ZNF208: variants seen among roughly 807,000 people sequenced by gnomAD.
ZNF208 encodes the protein zinc finger protein 208.
In ZNF208, 10 loss-of-function variants were observed where a neutral mutation model predicts 12.1. The ratio of observed to expected loss-of-function variants is 0.83; its 90% CI spans 0.51 to 1.40. The LOEUF (loss-of-function observed/expected upper bound fraction) is 1.40, where lower values mean the gene tolerates loss of function less well. Among genes scored for constraint, ZNF208 ranks in the 40% most tolerant of loss-of-function variants. The pLI is 0.00. For synonymous variants in ZNF208, 497 were observed against 488.4 expected, an observed-to-expected ratio of 1.02 and a Z score of -0.23; for missense variants, 1,652 against 1,485.0, an observed-to-expected ratio of 1.11 and a Z score of -1.85.
chr19:21,947,574 G>T lies in ZNF208; in HGVS notation c.306-14337C>A, dbSNP rs142128013. ...TTTACATCCCTTTATCACTGATAAG[G>T]CCTCATGCCCTATTTCTAAACAGAA... On this transcript the variant is annotated intron_variant, in intron 4 of 4. Coordinates refer to the ZNF208 transcript ENST00000599916. Among the ~76,000 whole-genome samples, 379 of 152,212 alleles carry T rather than the reference G, an allele frequency of 2.5e-3. 3 individuals are homozygous for T. Among genetic ancestry groups the T allele is most frequent in the African/African-American group, 8.3e-3 (345 of 41,534 alleles).
At chr19:21,974,971 T>C (rs542611753) in intron 3 of ZNF208, among the ~76,000 whole-genome samples, 164 bp from the exon 4 acceptor site, 93 of 152,218 alleles carry the variant, frequency 6.1e-4, no homozygotes, top group African/African-American at 2.1e-3. Flanking sequence ...TAAAAACATA[T>C]AGACCGAAAT....
At chr19:22,006,384 C>T (rs1045365263) in intron 1 of ZNF208, among the ~76,000 whole-genome samples, 1 of 151,526 alleles carries the variant, frequency 6.6e-6, no homozygotes, top group South Asian at 2.1e-4. Flanking sequence ...TTTTAATGTA[C>T]GTCTAACTGG....
intron 4 of ZNF208, among the ~76,000 whole-genome samples, chr19:21,957,983 C>A (rs1278746160): frequency 2.0e-5 from 3 of 152,022 alleles, no homozygotes; most frequent in Non-Finnish European, 2.9e-5. Flanking sequence ...TATTCCTCCC[C>A]CTTCCCACCA....
intron 4 of ZNF208, among the ~76,000 whole-genome samples, chr19:21,944,662 ATG>A (rs1969789595): frequency 6.6e-6 from 1 of 152,194 alleles, no homozygotes; most frequent in Non-Finnish European, 1.5e-5. Context: ...AGCTCCAATG[ATG>A]TAAAGTATTG....
chr19:21,977,999 A>G (rs1160684860), intron 3 of ZNF208, among the ~76,000 whole-genome samples: 1 of 152,208 alleles, frequency 6.6e-6, no homozygotes, highest in Non-Finnish European at 1.5e-5. Context: ...ATCGCAGCTC[A>G]GCAAGACCAG....
chr19:21,977,187 C>T (rs1970446936), intron 3 of ZNF208, among the ~76,000 whole-genome samples: 1 of 152,150 alleles, frequency 6.6e-6, no homozygotes, highest in African/African-American at 2.4e-5. Context: ...AAAGCAAATA[C>T]TGACAGAATA....
At chr19:21,945,219 T>C (rs557754616) in intron 4 of ZNF208, among the ~76,000 whole-genome samples, 125 of 152,320 alleles carry the variant, frequency 8.2e-4, no homozygotes, top group Middle Eastern at 3.4e-3. Context: ...AAAAAGTCCC[T>C]AGTTCCAGTC....
intron 4 of ZNF208, chr19:21,940,247 G>GAATA (rs1969713400): frequency 6.6e-6 from 1 of 152,156 alleles, no homozygotes; most frequent in South Asian, 2.1e-4. Flanking sequence ...TCATTTAAAT[G>GAATA]AATAAATACA....
rs772925586 is a variant in ZNF208 at position 21,974,263 on chromosome 19, G to T, written c.771C>A (p.Tyr257Ter). Residue 257 changes from tyrosine (Y) to a stop codon, truncating the protein, a stop_gained, in exon 4 of 4, where the codon TAC (tyrosine) becomes TAA (stop). Coordinates refer to ENST00000397126, the MANE Select transcript of ZNF208 (RefSeq NM_007153.3). LOFTEE classifies it low-confidence loss of function (END_TRUNC). ...AAGCCTTGCCACATTCTTCACATTT[G>T]TAGGATTTCTCTCCAGTATGAATTA... ...HKVIHTGEKS[Y>*]KCEECGKAFN... 9.3e-6 allele frequency: 15 copies of T among 1,612,838 alleles called. No individual in the cohort carries two copies. The highest frequency in any genetic ancestry group is 1.3e-5 in the Non-Finnish European group (15 of 1,179,504).
chr19:21,974,282 T>C lies in ZNF208; in HGVS notation c.752A>G (p.His251Arg). 1 of 1,613,494 alleles carries C rather than the reference T, an allele frequency of 6.2e-7. No homozygotes were observed. Among genetic ancestry groups the C allele is most frequent in the Non-Finnish European group, 8.5e-7 (1 of 1,179,738 alleles). Reference sequence around the variant, plus strand: ...ACATTTGTAGGATTTCTCTCCAGTATGAATTACCTTATGTTTAGTAAGGAT... The same window carrying C: ...ACATTTGTAGGATTTCTCTCCAGTACGAATTACCTTATGTTTAGTAAGGAT... ...FSILTKHKVI[H>R]TGEKSYKCEE... Residue 251 changes from histidine (H) to arginine (R), a missense_variant, in exon 4 of 4, where the codon CAT becomes CGT. Physicochemically the swap from His to Arg is conservative, Grantham distance 29. Around this residue, in one of 3 missense-constraint regions of ZNF208, gnomAD observed 410 missense variants for 378.2 expected, o/e 1.08. Coordinates refer to ENST00000397126, the MANE Select transcript of ZNF208 (RefSeq NM_007153.3).
At position 21,972,238 on chromosome 19, in the gene ZNF208, A is replaced by G. The variant is rs1970305374; in HGVS notation, c.2796T>C (p.Phe932=). 2 of 1,613,444 alleles carry G rather than the reference A, an allele frequency of 1.2e-6. No individual in the cohort carries two copies. The highest frequency in any genetic ancestry group is 1.7e-5 in the Admixed American group (1 of 59,836). ...CAGCATGAGTTTTCTTATGTTTACT[A>G]AAGACTGACAACCAGCTGAAGGCTT... The part of the protein sequence containing the change: ...CGKAFSWLSV[F]SKHKKTHAGE... Residue 932 remains phenylalanine, a synonymous_variant, in exon 4 of 4, where the codon TTT becomes TTC. Transcript: ENST00000397126.
chr19:21,971,655 T>C lies in ZNF208; in HGVS notation c.3379A>G (p.Ile1127Val), dbSNP rs181390472. 2.3e-3 allele frequency: 3,731 copies of C among 1,613,198 alleles called. 7 individuals carry two copies. The highest frequency in any genetic ancestry group is 2.8e-3 in the Non-Finnish European group (3,299 of 1,179,724). ...TGAATTACCTTATGTTTAGTAAGGA[T>C]TGAGAACGTACTAAAGCTTTTGCCA... is the stretch of plus-strand genomic sequence containing the variant. ...ECGKSFSTFS[I>V]LTKHKVIHTG... The change falls in exon 4 of 4, where the codon ATC becomes GTC. Residue 1127 changes from isoleucine to valine, a missense_variant. Ile to Val is a conservative substitution (Grantham distance 29, BLOSUM62 3). This residue lies in a region of ZNF208 where 1,239 missense variants were observed against 1,086.2 expected (regional missense o/e 1.14). Coordinates refer to ENST00000397126, the MANE Select transcript of ZNF208 (RefSeq NM_007153.3).
rs765737917 is a variant in ZNF208 at position 21,972,432 on chromosome 19, T to C, written c.2602A>G (p.Lys868Glu). The change falls in exon 4 of 4, where the codon AAA becomes GAA. Residue 868 changes from lysine (K) to glutamate (E), a missense_variant. Physicochemically the swap from Lys to Glu is moderately conservative, Grantham distance 56. Transcript: ENST00000397126. ...AGGGTTGAGGGCCATTTATAGGCTT[T>C]GCCACATTCTTCACATTTGTAGGGT... ...EKPYKCEECG[K>E]AYKWPSTLSY... The C allele has an allele frequency of 2.5e-5, 41 of 1,613,172 alleles. No individual in the cohort carries two copies. The South Asian group carries it at 4.3e-4, about 17-fold the overall frequency.
At chr19:21,941,578 T>C (rs1969742847) in intron 4 of ZNF208, 2 of 394,018 alleles carry the variant, frequency 5.1e-6, no homozygotes, top group African/African-American at 4.1e-5. Flanking sequence ...CTTTAGCTTT[T>C]TTTTTTTTGA....
intron 1 of ZNF208, among the ~76,000 whole-genome samples, chr19:22,001,156 A>C (rs948893680): frequency 6.6e-6 from 1 of 152,156 alleles, no homozygotes; most frequent in African/African-American, 2.4e-5. Context: ...ATAGTGGTGC[A>C]TGCCTGTAAT....
At chr19:21,984,448 G>T (rs1288198463) in intron 3 of ZNF208, among the ~76,000 whole-genome samples, 2 of 152,104 alleles carry the variant, frequency 1.3e-5, no homozygotes, top group African/African-American at 4.8e-5. Context: ...AGCTACTCAG[G>T]AGGCTGAGGC....
At chr19:22,008,364 T>A in intron 1 of ZNF208, among the ~76,000 whole-genome samples, 1 of 151,658 alleles carries the variant, frequency 6.6e-6, no homozygotes, top group African/African-American at 2.4e-5. Context: ...ATTTAATCAT[T>A]TCAAGGTACA....
intron 3 of ZNF208, among the ~76,000 whole-genome samples, chr19:21,983,391 T>G (rs1448416363): frequency 6.6e-6 from 1 of 152,158 alleles, no homozygotes; most frequent in Admixed American, 6.5e-5. Context: ...GAAAAGCTTT[T>G]ACACTGCTGG....
At chr19:21,996,725 G>A (rs1970841508) in intron 1 of ZNF208, among the ~76,000 whole-genome samples, 1 of 152,182 alleles carries the variant, frequency 6.6e-6, no homozygotes, top group Non-Finnish European at 1.5e-5. Flanking sequence ...GGTCTACTCA[G>A]TGCACATATT....
Sources: gnomAD v4.1 joint callset for allele counts (sites outside exome capture counted in the v4.1 genomes callset) on GRCh38, gnomAD v4.1.1 for gene constraint, gnomAD v4.1.1 regional missense constraint, MANE v1.5 for transcripts, NCBI Gene and HGNC (gene_info 2026-07-23, HGNC 2026-07-21) for gene names.